LRRC37A2: variants seen among roughly 807,000 people sequenced by gnomAD.
LRRC37A2 encodes leucine-rich repeat-containing protein 37A2.
Under a neutral mutation model 68.8 loss-of-function variants are expected in LRRC37A2, and 9 were observed. The observed-to-expected ratio is 0.13, with a 90% CI of 0.08 to 0.23. The LOEUF is 0.23. Ranked by LOEUF, LRRC37A2 falls within the 10% of genes least tolerant of loss-of-function variation. The probability of loss-of-function intolerance (pLI) is 1.00; values close to 1 mark genes in which losing one functional copy is unlikely to be tolerated. For missense variants in LRRC37A2, 168 were observed against 950.4 expected (o/e 0.18, Z 10.82); for synonymous variants, 63 against 367.6 (o/e 0.17, Z 9.48).
the LRRC37A2 span, among the ~76,000 whole-genome samples, chr17:46,971,489 C>T: frequency 6.6e-6 from 1 of 152,174 alleles, no homozygotes. Flanking sequence ...AGTGCCCCAC[C>T]CTAGCCTGGC....
At chr17:46,837,174 C>T in the LRRC37A2 span, among the ~76,000 whole-genome samples, 1 of 152,188 alleles carries the variant, frequency 6.6e-6, no homozygotes, top group African/African-American at 2.4e-5. Context: ...ATCTCTTGAC[C>T]TCGTGATCTG....
chr17:47,017,742 T>C, the LRRC37A2 span: 1 of 1,610,834 alleles, frequency 6.2e-7, no homozygotes, highest in African/African-American at 1.3e-5. Context: ...GCAGAATGAA[T>C]ATTCCAGTAC....
the LRRC37A2 span, among the ~76,000 whole-genome samples, chr17:46,575,224 C>G: frequency 8.7e-6 from 1 of 114,774 alleles, no homozygotes; most frequent in African/African-American, 2.9e-5. Context: ...GATCTAGAGG[C>G]AGTTCACAAG....
chr17:46,809,231 T>C, the LRRC37A2 span, among the ~76,000 whole-genome samples: 1 of 151,574 alleles, frequency 6.6e-6, no homozygotes, highest in Non-Finnish European at 1.5e-5. Context: ...AGCAGGGGAG[T>C]GGCACCCTCA....
chr17:46,950,623 G>C, the LRRC37A2 span, among the ~76,000 whole-genome samples: 7 of 152,276 alleles, frequency 4.6e-5, no homozygotes, highest in East Asian at 1.9e-4. Context: ...TGAACTTAGC[G>C]GGGGAGATGA....
chr17:46,437,571 C>T, the LRRC37A2 span, among the ~76,000 whole-genome samples: 1 of 122,840 alleles, frequency 8.1e-6, no homozygotes, highest in African/African-American at 2.9e-5. Context: ...TAGTTTGAAT[C>T]CTTTTCTTAC....
the LRRC37A2 span, among the ~76,000 whole-genome samples, chr17:46,910,478 A>G: frequency 1.4e-3 from 210 of 152,326 alleles, 2 homozygotes; most frequent in African/African-American, 4.7e-3. Flanking sequence ...CTCACCCCAC[A>G]TGGAAATGGA....
the LRRC37A2 span, among the ~76,000 whole-genome samples, chr17:46,925,369 A>G: frequency 4.6e-5 from 7 of 152,322 alleles, no homozygotes; most frequent in East Asian, 1.2e-3. Flanking sequence ...TTGAGCACCT[A>G]CTATGTGCTG....
chr17:46,539,256 G>A (rs1241853574), intron 6 of LRRC37A2, among the ~76,000 whole-genome samples: 151 of 102,254 alleles, frequency 1.5e-3, no homozygotes, highest in Non-Finnish European at 1.6e-3. Context: ...CCCTCAAAGC[G>A]CTCATAGTCC....
the LRRC37A2 span, among the ~76,000 whole-genome samples, chr17:46,890,136 G>A: frequency 8.5e-5 from 13 of 152,060 alleles, no homozygotes; most frequent in Admixed American, 6.5e-5. Context: ...CCTCCTCCTC[G>A]CTCCTCTTCC....
chr17:46,915,232 G>A, the LRRC37A2 span, among the ~76,000 whole-genome samples: 1 of 152,284 alleles, frequency 6.6e-6, no homozygotes, highest in Admixed American at 6.5e-5. Context: ...CCACATGTAT[G>A]ATGCCTTGGT....
chr17:46,385,938 A>G, the LRRC37A2 span, among the ~76,000 whole-genome samples: 1 of 77,038 alleles, frequency 1.3e-5, no homozygotes, highest in South Asian at 6.5e-4. Context: ...TATGTGCTCA[A>G]CCTTGTTACT....
the LRRC37A2 span, among the ~76,000 whole-genome samples, chr17:46,882,151 G>A: frequency 6.6e-6 from 1 of 152,138 alleles, no homozygotes; most frequent in African/African-American, 2.4e-5. Context: ...GTGAGACCCT[G>A]TCTCTAAAAA....
the LRRC37A2 span, among the ~76,000 whole-genome samples, chr17:46,896,187 G>A: frequency 6.6e-6 from 1 of 151,656 alleles, no homozygotes; most frequent in Non-Finnish European, 1.5e-5. Context: ...CCAGCTACTC[G>A]GGAGGCTGAG....
At chr17:46,997,945 G>A in the LRRC37A2 span, among the ~76,000 whole-genome samples, 1 of 150,266 alleles carries the variant, frequency 6.7e-6, no homozygotes, top group Non-Finnish European at 1.5e-5. Flanking sequence ...ACTCCAGCCT[G>A]GGCAACAAGA....
the LRRC37A2 span, among the ~76,000 whole-genome samples, chr17:47,000,018 T>A: frequency 1.3e-5 from 1 of 74,316 alleles, no homozygotes; most frequent in African/African-American, 5.3e-5. Context: ...TAAAATAAAA[T>A]AAAATAAAAT....
chr17:46,499,506 T>TA, the LRRC37A2 span, among the ~76,000 whole-genome samples: 1 of 145,170 alleles, frequency 6.9e-6, no homozygotes, highest in Non-Finnish European at 1.5e-5. Context: ...CCTCAGCAGG[T>TA]AGTTTTGTTT....
the LRRC37A2 span, chr17:46,923,385 CA>C: frequency 2.0e-6 from 3 of 1,465,146 alleles, no homozygotes; most frequent in African/African-American, 1.4e-5. Flanking sequence ...GCGGGACTCC[CA>C]GGTCAGCCAC....
the LRRC37A2 span, chr17:46,929,840 T>C: frequency 2.1e-6 from 1 of 486,434 alleles, no homozygotes; most frequent in Non-Finnish European, 3.8e-6. Context: ...AGCGCTTGCC[T>C]CCATCTATCT....
Sources: gnomAD v4.1 joint callset for allele counts (sites outside exome capture counted in the v4.1 genomes callset) on GRCh38, gnomAD v4.1.1 for gene constraint, MANE v1.5 for transcripts, NCBI Gene and HGNC (gene_info 2026-07-23, HGNC 2026-07-21) for gene names.